The following CCDC102B variants were observed in gnomAD, a reference collection of about 807,000 sequenced individuals.
The protein encoded by CCDC102B is coiled-coil domain-containing protein 102B.
A neutral mutation model predicts 57.4 loss-of-function variants in CCDC102B; 75 were observed. That is an observed-to-expected ratio of 1.31 (90% confidence interval 1.08 to 1.58). The LOEUF (loss-of-function observed/expected upper bound fraction) is 1.58, where lower values mean the gene tolerates loss of function less well. Ranked by LOEUF, CCDC102B falls within the 40% of genes most tolerant of loss-of-function variation. The pLI, the probability that CCDC102B is intolerant of heterozygous loss-of-function variation, is 0.00. For missense variants in CCDC102B, 636 were observed against 582.6 expected (o/e 1.09, Z -0.94); for synonymous variants, 206 against 201.9 (o/e 1.02, Z -0.17).
chr18:68,744,006 C>A (rs576513378), intron 2 of CCDC102B, among the ~76,000 whole-genome samples: 36 of 152,100 alleles, frequency 2.4e-4, no homozygotes, highest in African/African-American at 8.4e-4. Flanking sequence ...CTTTGGACTT[C>A]GACACTTTTA....
At chr18:69,056,920 C>T (rs1038288245), downstream of CCDC102B, among the ~76,000 whole-genome samples, 1 of 151,982 alleles carries the variant, frequency 6.6e-6, no homozygotes, top group African/African-American at 2.4e-5. Flanking sequence ...CTTTCCTCTT[C>T]TCAGCCCCTT....
At position 69,028,853 on chromosome 18, in the gene CCDC102B, A is replaced by G. The variant is rs995383677; in HGVS notation, c.1434+17749A>G. The stretch of plus-strand genomic sequence containing the variant: ...AGATAATTCCTTATTGCTCATTTAT[A>G]TCATAATTCCTTCATGTGTACAGCT... On this transcript the variant is annotated intron_variant, in intron 7 of 7. Transcript: ENST00000360242. Among the ~76,000 whole-genome samples the G allele has an allele frequency of 7.9e-5, 12 of 152,180 alleles. No homozygotes were observed. In the South Asian group the frequency reaches 1.9e-3, roughly 24 times the overall value.
At chr18:68,737,444 C>T (rs952133696) in intron 2 of CCDC102B, among the ~76,000 whole-genome samples, 15 of 48,338 alleles carry the variant, frequency 3.1e-4, no homozygotes, top group South Asian at 1.1e-3. Flanking sequence ...CATTGACTGG[C>T]GCTTGTGGTG....
chr18:68,741,574 A>G (rs937985636), intron 2 of CCDC102B, among the ~76,000 whole-genome samples: 1 of 151,884 alleles, frequency 6.6e-6, no homozygotes, highest in Non-Finnish European at 1.5e-5. Context: ...AATATTTTCA[A>G]CTTTGCAATA....
intron 1 of CCDC102B, among the ~76,000 whole-genome samples, chr18:68,832,710 G>A (rs1383794030): frequency 7.2e-5 from 11 of 151,998 alleles, no homozygotes; most frequent in African/African-American, 1.2e-4. Flanking sequence ...CTCAGATCAC[G>A]GGTTTAGTTA....
chr18:68,729,975 T>C (rs1484823719), intron 2 of CCDC102B, among the ~76,000 whole-genome samples: 3 of 152,144 alleles, frequency 2.0e-5, no homozygotes, highest in African/African-American at 7.2e-5. Context: ...AAACATCAAA[T>C]AATATTCAAA....
intron 6 of CCDC102B, among the ~76,000 whole-genome samples, chr18:68,995,606 T>C (rs143689522): frequency 1.3e-5 from 2 of 152,186 alleles, no homozygotes; most frequent in East Asian, 1.9e-4. Context: ...AAGTCAAGAA[T>C]TGAGCTTTGG....
At chr18:68,924,832 G>A (rs2041421782) in intron 6 of CCDC102B, among the ~76,000 whole-genome samples, 1 of 152,080 alleles carries the variant, frequency 6.6e-6, no homozygotes, top group Non-Finnish European at 1.5e-5. Flanking sequence ...TAGCTGAGTT[G>A]TACAAACACT....
At chr18:68,891,349 T>C (rs1176985928) in intron 5 of CCDC102B, among the ~76,000 whole-genome samples, 1 of 152,220 alleles carries the variant, frequency 6.6e-6, no homozygotes, top group East Asian at 1.9e-4. Flanking sequence ...TATCCAATAT[T>C]GGGGTTCCCC....
At chr18:68,727,852 C>T (rs2032669153) in intron 2 of CCDC102B, among the ~76,000 whole-genome samples, 1 of 152,144 alleles carries the variant, frequency 6.6e-6, no homozygotes, top group Non-Finnish European at 1.5e-5. Flanking sequence ...AAATAAAATC[C>T]CAATGATTTG....
intron 1 of CCDC102B, among the ~76,000 whole-genome samples, chr18:68,805,676 G>T (rs2036008501): frequency 6.6e-6 from 1 of 152,128 alleles, no homozygotes; most frequent in Non-Finnish European, 1.5e-5. Context: ...GATATGGAAA[G>T]AAATGCTAGT....
downstream of CCDC102B, among the ~76,000 whole-genome samples, chr18:69,056,647 A>AGATGGATAGATG: frequency 6.6e-6 from 1 of 150,584 alleles, no homozygotes. Context: ...ATAGATAGAT[A>AGATGGATAGATG]GATAGATAGA....
intron 4 of CCDC102B, among the ~76,000 whole-genome samples, chr18:68,846,650 G>A (rs1406487437): frequency 7.4e-6 from 1 of 135,412 alleles, no homozygotes; most frequent in African/African-American, 2.6e-5. Context: ...TTTTATATTG[G>A]TCATTATTTA....
rs1173438100 is a variant in CCDC102B at position 69,011,302 on chromosome 18, T to A, written c.1434+198T>A. On this transcript the variant is annotated intron_variant, in intron 7 of 7. Coordinates refer to ENST00000360242, the MANE Select transcript of CCDC102B (RefSeq NM_024781.3). ...GCACATGTTTGTGGCGGTAATAGTA[T>A]ATGTTTTACGAGTGCTCTATAGTGT... 3 of 564,440 alleles carry A rather than the reference T, an allele frequency of 5.3e-6. No homozygotes were observed. The African/African-American group carries it at 5.6e-5, about 11-fold the overall frequency. The allele number at this position is 564,440 out of a possible 1,614,324, so 35.0% of individuals were successfully genotyped here.
chr18:68,924,890 G>A (rs1335056386), intron 6 of CCDC102B, among the ~76,000 whole-genome samples: 2 of 151,950 alleles, frequency 1.3e-5, no homozygotes, highest in African/African-American at 4.8e-5. Context: ...AGTCCCAGGG[G>A]GCTAGTTAAA....
At chr18:68,870,618 A>C (rs1244819977) in intron 4 of CCDC102B, among the ~76,000 whole-genome samples, 1 of 152,188 alleles carries the variant, frequency 6.6e-6, no homozygotes, top group Non-Finnish European at 1.5e-5. Context: ...GGAGACATGC[A>C]AATTTGTGTA....
chr18:68,845,017 T>G (rs980872475), intron 3 of CCDC102B, among the ~76,000 whole-genome samples: 2 of 151,950 alleles, frequency 1.3e-5, no homozygotes, highest in Non-Finnish European at 2.9e-5. Context: ...TTGCACCATT[T>G]TTTTGCAACC....
chr18:68,823,357 G>T (rs1256139122), intron 1 of CCDC102B: 1 of 152,108 alleles, frequency 6.6e-6, no homozygotes, highest in African/African-American at 2.4e-5. Flanking sequence ...TTTTGTTTGT[G>T]CGTCTTAGAA....
At chr18:68,879,661 A>G (rs2039602940) in intron 5 of CCDC102B, among the ~76,000 whole-genome samples, 1 of 151,944 alleles carries the variant, frequency 6.6e-6, no homozygotes, top group East Asian at 1.9e-4. Context: ...TGATTGGTGT[A>G]TTTACAAACC....
Sources: gnomAD v4.1 joint callset for allele counts (sites outside exome capture counted in the v4.1 genomes callset) on GRCh38, gnomAD v4.1.1 for gene constraint, MANE v1.5 for transcripts, NCBI Gene and HGNC (gene_info 2026-07-23, HGNC 2026-07-21) for gene names.